SPIDR: variants seen among roughly 807,000 people sequenced by gnomAD.
The protein encoded by SPIDR is scaffold protein involved in DNA repair.
In SPIDR, 93 loss-of-function variants were observed where a neutral mutation model predicts 104.6. The observed-to-expected ratio is 0.89, with a 90% CI of 0.75 to 1.06. The LOEUF is 1.06. Ranked by LOEUF, SPIDR falls within the 50% of genes least tolerant of loss-of-function variation. The probability of loss-of-function intolerance (pLI) is 0.00; values close to 1 mark genes in which losing one functional copy is unlikely to be tolerated. For missense variants in SPIDR, 1,154 were observed against 1,111.2 expected (o/e 1.04, Z -0.55); for synonymous variants, 431 against 416.9 (o/e 1.03, Z -0.41).
chr8:47,474,130 T>C (rs1156926955), intron 8 of SPIDR, among the ~76,000 whole-genome samples: 1 of 152,140 alleles, frequency 6.6e-6, no homozygotes, highest in East Asian at 1.9e-4. Context: ...GCATTCCTTA[T>C]TGAGTGAAAA....
chr8:47,673,691 G>C (rs2076071589), intron 10 of SPIDR, 110 bp from the exon 11 acceptor site: 1 of 1,270,378 alleles, frequency 7.9e-7, no homozygotes, highest in Non-Finnish European at 1.1e-6. Flanking sequence ...AAATTATATT[G>C]ACCAGTCACA....
chr8:47,422,079 G>A (rs542717070), intron 7 of SPIDR, among the ~76,000 whole-genome samples: 1 of 152,212 alleles, frequency 6.6e-6, no homozygotes, highest in Non-Finnish European at 1.5e-5. Context: ...AGGAGGCAGT[G>A]TGTCCGTTCT....
At chr8:47,299,927 C>T (rs1554576071) in intron 5 of SPIDR, among the ~76,000 whole-genome samples, 1 of 152,140 alleles carries the variant, frequency 6.6e-6, no homozygotes, top group African/African-American at 2.4e-5. Flanking sequence ...TTGGTTGTGT[C>T]TCTGCCAGGC....
At chr8:47,342,018 C>G (rs2050849376) in intron 5 of SPIDR, among the ~76,000 whole-genome samples, 1 of 152,156 alleles carries the variant, frequency 6.6e-6, no homozygotes, top group Non-Finnish European at 1.5e-5. Context: ...CTTTTTATTA[C>G]TATTTCTAGC....
rs986614764 is a variant in SPIDR at position 47,289,151 on chromosome 8, C to A, written c.257-1882C>A. Among the ~76,000 whole-genome samples, 751 of 152,226 alleles carry A rather than the reference C, an allele frequency of 4.9e-3. 7 individuals carry two copies. Among genetic ancestry groups the A allele is most frequent in the African/African-American group, 0.017 (713 of 41,536 alleles). ...TCAGACTCCCAAGTAGCTGGGACTA[C>A]AGGCATGTACCACTGTGCCCAGCTA... is the stretch of plus-strand genomic sequence containing the variant. On this transcript the variant is annotated intron_variant, in intron 3 of 19. Transcript: ENST00000297423.
intron 8 of SPIDR, among the ~76,000 whole-genome samples, chr8:47,577,020 T>C (rs1166145202): frequency 6.6e-6 from 1 of 152,204 alleles, no homozygotes; most frequent in Non-Finnish European, 1.5e-5. Flanking sequence ...AAAATGTGCG[T>C]ATTGTTGGCA....
chr8:47,459,591 C>A (rs1230808484), intron 8 of SPIDR, among the ~76,000 whole-genome samples: 1 of 151,914 alleles, frequency 6.6e-6, no homozygotes, highest in African/African-American at 2.4e-5. Flanking sequence ...CTTTTTGTTT[C>A]ATTTATCGTT....
At chr8:47,611,338 A>G (rs2063574969) in intron 10 of SPIDR, among the ~76,000 whole-genome samples, 1 of 152,160 alleles carries the variant, frequency 6.6e-6, no homozygotes, top group Non-Finnish European at 1.5e-5. Context: ...AGGGAACAGC[A>G]CAAGGAGGGA....
chr8:47,582,792 A>G (rs1387966264), intron 8 of SPIDR, among the ~76,000 whole-genome samples: 2 of 151,458 alleles, frequency 1.3e-5, no homozygotes, highest in Non-Finnish European at 2.9e-5. Flanking sequence ...TGTCTGGGCA[A>G]CATAGCAAGA....
intron 8 of SPIDR, among the ~76,000 whole-genome samples, chr8:47,441,074 T>A (rs2069328257): frequency 6.6e-6 from 1 of 152,232 alleles, no homozygotes; most frequent in Non-Finnish European, 1.5e-5. Context: ...ATCATACTAC[T>A]TTTGAGGAAA....
At chr8:47,469,199 G>T (rs2075321521) in intron 8 of SPIDR, among the ~76,000 whole-genome samples, 1 of 152,240 alleles carries the variant, frequency 6.6e-6, no homozygotes, top group Non-Finnish European at 1.5e-5. Context: ...AATAACAGCT[G>T]CTGGCAAGGT....
chr8:47,280,738 G>A (rs1221920761), intron 2 of SPIDR, among the ~76,000 whole-genome samples: 6 of 152,046 alleles, frequency 3.9e-5, no homozygotes, highest in Non-Finnish European at 7.4e-5. Flanking sequence ...GGGTCTTGCT[G>A]TGTTGCCTAG....
intron 8 of SPIDR, among the ~76,000 whole-genome samples, chr8:47,564,430 A>G (rs2057512130): frequency 6.6e-6 from 1 of 152,158 alleles, no homozygotes; most frequent in Non-Finnish European, 1.5e-5. Context: ...CTGTAATCCC[A>G]ACACTTTGGG....
At chr8:47,560,881 T>C (rs1193717709) in intron 8 of SPIDR, among the ~76,000 whole-genome samples, 1 of 152,192 alleles carries the variant, frequency 6.6e-6, no homozygotes, top group Non-Finnish European at 1.5e-5. Context: ...TGGTCCCTTC[T>C]GTGCTCTGCT....
intron 8 of SPIDR, among the ~76,000 whole-genome samples, chr8:47,447,348 G>A (rs1198721229): frequency 1.3e-5 from 2 of 152,096 alleles, no homozygotes; most frequent in Non-Finnish European, 2.9e-5. Context: ...CTAGTAGCTG[G>A]GATTACAGGC....
chr8:47,384,943 C>G (rs72646308), intron 5 of SPIDR, among the ~76,000 whole-genome samples: 4,449 of 152,310 alleles, frequency 0.029, 96 homozygotes, highest in Non-Finnish European at 0.046. Flanking sequence ...GAGATCACTT[C>G]TTGCCAGTCT....
intron 10 of SPIDR, among the ~76,000 whole-genome samples, chr8:47,658,978 C>T (rs2073520738): frequency 6.6e-6 from 1 of 151,614 alleles, no homozygotes; most frequent in African/African-American, 2.4e-5. Context: ...CTCTTCTCAG[C>T]GCCGCACAGT....
At chr8:47,400,151 G>A (rs575256825) in intron 6 of SPIDR, among the ~76,000 whole-genome samples, 1 of 152,334 alleles carries the variant, frequency 6.6e-6, no homozygotes, top group Admixed American at 6.5e-5. Context: ...TCTTGAAGCT[G>A]CAGTGAAGAG....
intron 14 of SPIDR, 131 bp downstream of exon 14, chr8:47,702,146 G>A (rs1224379344): frequency 9.6e-7 from 1 of 1,042,710 alleles, no homozygotes; most frequent in South Asian, 1.4e-5. Context: ...CGGTGTTAGA[G>A]GTTTATTAAA....
Sources: gnomAD v4.1 joint callset for allele counts (sites outside exome capture counted in the v4.1 genomes callset) on GRCh38, gnomAD v4.1.1 for gene constraint, MANE v1.5 for transcripts, NCBI Gene and HGNC (gene_info 2026-07-23, HGNC 2026-07-21) for gene names.